DIMT1: variants seen among roughly 807,000 people sequenced by gnomAD.
The protein encoded by DIMT1 is dimethyladenosine transferase.
DIMT1 carries 36 observed loss-of-function variants against 43.2 expected under a neutral mutation model. The ratio of observed to expected loss-of-function variants is 0.83; its 90% confidence interval spans 0.64 to 1.10. The LOEUF is 1.10. DIMT1 is among the 50% of genes least tolerant of loss of function. The probability of loss-of-function intolerance (pLI) is 0.00; values close to 1 mark genes in which losing one functional copy is unlikely to be tolerated. For synonymous variants in DIMT1, 126 were observed against 130.3 expected (o/e 0.97, Z 0.22); for missense variants, 341 against 385.3 (o/e 0.88, Z 0.96).
intron 6 of DIMT1, among the ~76,000 whole-genome samples, chr5:62,397,776 G>C (rs1742549744): frequency 6.6e-6 from 1 of 151,874 alleles, no homozygotes; most frequent in Non-Finnish European, 1.5e-5. Context: ...AGCCTCCCGA[G>C]TGGCTGGGAC....
intron 10 of DIMT1, chr5:62,391,234 AAT>A (rs2112034508): frequency 2.7e-6 from 1 of 366,482 alleles, no homozygotes; most frequent in African/African-American, 2.1e-5. Flanking sequence ...AAAATTCTGA[AAT>A]AGTTATTAGT....
chr5:62,403,636 T>C (rs1193209347), intron 1 of DIMT1, 58 bp downstream of exon 1: 35 of 1,550,278 alleles, frequency 2.3e-5, no homozygotes, highest in Non-Finnish European at 3.1e-5. Flanking sequence ...CACCCCAGGC[T>C]AGGTCCTGCC....
chr5:62,389,283 C>T (rs1337097555), intron 11 of DIMT1, among the ~76,000 whole-genome samples: 3 of 151,748 alleles, frequency 2.0e-5, no homozygotes, highest in Non-Finnish European at 4.4e-5. Context: ...GTCAGTAGTT[C>T]GAGAACAGTC....
At chr5:62,393,900 C>T in intron 8 of DIMT1, 55 bp downstream of exon 8, 4 of 1,514,384 alleles carry the variant, frequency 2.6e-6, no homozygotes, top group Non-Finnish European at 3.6e-6. Flanking sequence ...AGGCACACAT[C>T]TTCCCGCCTG....
At chr5:62,402,820 A>G (rs1327396708) in intron 2 of DIMT1, among the ~76,000 whole-genome samples, 2 of 152,196 alleles carry the variant, frequency 1.3e-5, no homozygotes, top group African/African-American at 4.8e-5. Context: ...CCATAAGAGA[A>G]CATCAATAAC....
In DIMT1 at chr5:62,394,582, C is replaced by G; in HGVS notation, c.472G>C (p.Glu158Gln). 6.2e-7 allele frequency: 1 copy of G among 1,614,162 alleles called. No individual in the cohort carries two copies. Among genetic ancestry groups the G allele is most frequent in the Non-Finnish European group, 8.5e-7 (1 of 1,180,024 alleles). ...TTTGCAACCAGTCGGAGGGCAAATT[C>G]TCTTTGAAACATAAGTATAGCACAC... ...FRCAILMFQR[E>Q]FALRLVAKPG... Residue 158 changes from glutamate to glutamine, a missense_variant, in exon 7 of 12, where the codon GAA becomes CAA. Coordinates refer to ENST00000199320, the MANE Select transcript of DIMT1 (RefSeq NM_014473.4).
rs1398643426 is a variant in DIMT1 at position 62,392,068 on chromosome 5, T to C, written c.792+103A>G. 4.4e-6 allele frequency: 7 copies of C among 1,600,164 alleles called. No homozygotes were observed. In the African/African-American group the frequency reaches 5.4e-5, roughly 12 times the overall value. Reference sequence around the variant, plus strand: ...ATTATATATTGTCTTTTAAGGATCTTATGGAATGTACAAAATAATCTCATG... The same window carrying C: ...ATTATATATTGTCTTTTAAGGATCTCATGGAATGTACAAAATAATCTCATG... On this transcript the variant is annotated intron_variant, in intron 10 of 11. Coordinates refer to ENST00000199320, the MANE Select transcript of DIMT1 (RefSeq NM_014473.4).
chr5:62,391,795 G>A, intron 10 of DIMT1: 1 of 1,405,432 alleles, frequency 7.1e-7, no homozygotes, highest in Non-Finnish European at 9.2e-7. Flanking sequence ...TGCTATGTGA[G>A]CAAGAAACAA....
In DIMT1 at chr5:62,403,743, G is replaced by A. The variant is rs1372259604; in HGVS notation, c.30C>T (p.Gly10=). 1.2e-6 allele frequency: 2 copies of A among 1,610,224 alleles called. No homozygotes were observed. Among genetic ancestry groups the A allele is most frequent in the Non-Finnish European group, 1.7e-6 (2 of 1,178,836 alleles). Reference sequence around the variant, plus strand: ...GCTGCTCCTGCCGCCCGCGGCGGCGGCCGATGGCCCCCGACTTGACCTTCG... The same window carrying A: ...GCTGCTCCTGCCGCCCGCGGCGGCGACCGATGGCCCCCGACTTGACCTTCG... MPKVKSGAI[G]RRRGRQEQRR... is the part of the protein sequence containing the mutation. Residue 10 remains glycine (G), a synonymous_variant, in exon 1 of 12, where the codon GGC becomes GGT. Transcript: ENST00000199320.
At position 62,390,353 on chromosome 5, in the gene DIMT1, G is replaced by C. The variant is rs1267847883; in HGVS notation, c.899+523C>G. ...ATAATTATGACAGCTTTTTACTTGA[G>C]AAGTGTAGAACTTGCTTCAGGCTAC... On this transcript the variant is annotated intron_variant, in intron 11 of 11. Transcript: ENST00000199320. Among the ~76,000 whole-genome samples, 3 of 152,172 alleles carry C rather than the reference G, an allele frequency of 2.0e-5. No individual in the cohort carries two copies. The East Asian group carries it at 5.8e-4, about 29-fold the overall frequency.
chr5:62,398,613 T>C, intron 5 of DIMT1, 33 bp downstream of exon 5: 1 of 1,612,464 alleles, frequency 6.2e-7, no homozygotes, highest in Non-Finnish European at 8.5e-7. Context: ...GAGGAACAGT[T>C]AGTATGATGT....
At chr5:62,391,677 C>T (rs1265795923) in intron 10 of DIMT1, 7 of 1,231,782 alleles carry the variant, frequency 5.7e-6, no homozygotes, top group Non-Finnish European at 7.1e-6. Context: ...ATCGCACACA[C>T]TGTTACACAA....
intron 6 of DIMT1, among the ~76,000 whole-genome samples, chr5:62,398,168 T>G (rs1742565573): frequency 6.6e-6 from 1 of 152,122 alleles, no homozygotes; most frequent in Non-Finnish European, 1.5e-5. Flanking sequence ...TTTTTCATAA[T>G]ACACATTTTC....
At position 62,393,847 on chromosome 5, in the gene DIMT1, A is replaced by G. The variant is rs973693372; in HGVS notation, c.663+108T>C. The G allele has an allele frequency of 5.3e-6, 5 of 935,054 alleles. No individual in the cohort carries two copies. The African/African-American group carries it at 6.9e-5, about 13-fold the overall frequency. 57.9% of individuals were successfully genotyped at this position (935,054 alleles called of 1,614,324 possible). A position where few individuals can be genotyped will look rare whatever the true frequency, so the allele number is the denominator to read the frequency against. On this transcript the variant is annotated intron_variant, in intron 8 of 11. Transcript: ENST00000199320. ...GATGTGTCCTAATTAACATTTTCCT[A>G]TGTTTGAATATTTAGGTTGATTCAA...
chr5:62,398,769 A>G, intron 4 of DIMT1, 30 bp from the exon 5 acceptor site: 2 of 1,613,928 alleles, frequency 1.2e-6, no homozygotes, highest in Non-Finnish European at 8.5e-7. Flanking sequence ...TGTAAAAAGA[A>G]TGTTGTTTCA....
At chr5:62,395,036 T>A (rs937402230) in intron 6 of DIMT1, among the ~76,000 whole-genome samples, 2 of 151,954 alleles carry the variant, frequency 1.3e-5, no homozygotes, top group African/African-American at 2.4e-5. Flanking sequence ...CTTTTTTTTT[T>A]TTTTTGAGAC....
chr5:62,387,694 A>G lies in DIMT1; in HGVS notation c.*1316T>C, dbSNP rs1269967924. ...AAATCTTAAAATTTTTACTATAAGG[A>G]TAGAGATGATACAAGTGAACTCTGC... On this transcript the variant is annotated 3_prime_UTR_variant, in exon 12 of 12. Transcript: ENST00000199320. 6.6e-6 allele frequency: 1 copy of G among 152,216 alleles called. No individual in the cohort carries two copies. Among genetic ancestry groups the G allele is most frequent in the Admixed American group, 6.5e-5 (1 of 15,288 alleles). 9.4% of individuals were successfully genotyped at this position (152,216 alleles called of 1,614,324 possible). A position where few individuals can be genotyped will look rare whatever the true frequency, so the allele number is the denominator to read the frequency against.
intron 7 of DIMT1, 26 bp from the exon 8 acceptor site, chr5:62,394,073 G>C: frequency 6.2e-7 from 1 of 1,605,720 alleles, no homozygotes; most frequent in Non-Finnish European, 8.5e-7. Context: ...TATTTAAGTA[G>C]TACTCACAAA....
At position 62,387,643 on chromosome 5, in the gene DIMT1, G is replaced by C. The variant is rs1742097913; in HGVS notation, c.*1367C>G. ...AAACTCAGCAGTTCATAGGGGTAGA[G>C]GGAAATAACCTGAGAAAGCCGAGTT... is the stretch of plus-strand genomic sequence containing the variant. On this transcript the variant is annotated 3_prime_UTR_variant, in exon 12 of 12. Transcript: ENST00000199320. 1 of 152,114 alleles carries C rather than the reference G, an allele frequency of 6.6e-6. No homozygotes were observed. 9.4% of individuals were successfully genotyped at this position (152,114 alleles called of 1,614,324 possible).
Sources: gnomAD v4.1 joint callset for allele counts (sites outside exome capture counted in the v4.1 genomes callset) on GRCh38, gnomAD v4.1.1 for gene constraint, MANE v1.5 for transcripts, NCBI Gene and HGNC (gene_info 2026-07-23, HGNC 2026-07-21) for gene names.